Variants in TSEN34 observed in about 807,000 individuals in gnomAD.
TSEN34 encodes the protein tRNA splicing endonuclease subunit 34.
In TSEN34, 25 loss-of-function variants were observed where a neutral mutation model predicts 30.2. The ratio of observed to expected loss-of-function variants is 0.83; its 90% confidence interval spans 0.60 to 1.16. The LOEUF (loss-of-function observed/expected upper bound fraction) is 1.16, where lower values mean the gene tolerates loss of function less well. TSEN34 is among the 50% of genes most tolerant of loss of function. The pLI is 0.00. For missense variants in TSEN34, 475 were observed against 411.9 expected, an observed-to-expected ratio of 1.15 and a Z score of -1.33; for synonymous variants, 209 against 177.4, an observed-to-expected ratio of 1.18 and a Z score of -1.41.
intron 3 of TSEN34, 124 bp from the exon 4 acceptor site, chr19:54,193,051 C>A: frequency 7.4e-7 from 1 of 1,357,914 alleles, no homozygotes; most frequent in Non-Finnish European, 1.0e-6. Context: ...TGTCCAAGAG[C>A]ATCTGTTTTA....
chr19:54,193,555 T>C lies in TSEN34; in HGVS notation c.*193T>C. The C allele has an allele frequency of 2.6e-6, 4 of 1,534,226 alleles. No individual in the cohort carries two copies. The highest frequency in any genetic ancestry group is 3.5e-6 in the Non-Finnish European group (4 of 1,144,626). On this transcript the variant is annotated 3_prime_UTR_variant, in exon 4 of 4. Coordinates refer to ENST00000396388, the MANE Select transcript of TSEN34 (RefSeq NM_001077446.4). ...GCACTTATTGGCTGTGTTTTTGTAG[T>C]TACCTATTTTCACACTGTGAGCTTC...
chr19:54,190,635 G>A (rs1003626582), upstream of TSEN34: 16 of 1,255,854 alleles, frequency 1.3e-5, 1 homozygote, highest in Admixed American at 1.2e-4. Context: ...TTGCGTCCGG[G>A]AGGAGGCGGG....
At chr19:54,190,293 A>C, upstream of TSEN34, 1 of 1,383,178 alleles carries the variant, frequency 7.2e-7, no homozygotes, top group South Asian at 1.3e-5. Flanking sequence ...GGGTGTCGGC[A>C]TGAGGGGGTG....
At position 54,193,486 on chromosome 19, in the gene TSEN34, G is replaced by GT; in HGVS notation, c.*128dup. The GT allele has an allele frequency of 6.4e-7, 1 of 1,552,066 alleles. No individual in the cohort carries two copies. Among genetic ancestry groups the GT allele is most frequent in the Non-Finnish European group, 8.7e-7 (1 of 1,148,274 alleles). On this transcript the variant is annotated 3_prime_UTR_variant, in exon 4 of 4. Coordinates refer to ENST00000396388, the MANE Select transcript of TSEN34 (RefSeq NM_001077446.4). ...CTCCGCGGTTAGTTTTTGATTCCAG[G>GT]TTTTCGAACACTACATCTTTTTTAT...
At chr19:54,191,290 C>T, upstream of TSEN34, 1 of 1,543,218 alleles carries the variant, frequency 6.5e-7, no homozygotes, top group Non-Finnish European at 8.7e-7. Flanking sequence ...ACCCCGGAGG[C>T]TTTGGGTGCG....
rs2076819919 is a variant in TSEN34 at position 54,194,390 on chromosome 19, G to C, written c.*1028G>C. 6.6e-6 allele frequency: 1 copy of C among 151,882 alleles called. No individual in the cohort carries two copies. The highest frequency in any genetic ancestry group is 1.5e-5 in the Non-Finnish European group (1 of 68,014). 9.4% of individuals were successfully genotyped at this position (151,882 alleles called of 1,614,324 possible). On this transcript the variant is annotated 3_prime_UTR_variant, in exon 4 of 4. Coordinates refer to ENST00000396388, the MANE Select transcript of TSEN34 (RefSeq NM_001077446.4). Reference sequence around the variant, plus strand: ...ATATTTTAGACTCTTTTTTGGATGTGTTATATTCTGCAATTTTTATAAAAG... The same window carrying C: ...ATATTTTAGACTCTTTTTTGGATGTCTTATATTCTGCAATTTTTATAAAAG...
At position 54,193,289 on chromosome 19, in the gene TSEN34, C is replaced by T. The variant is rs751953969; in HGVS notation, c.860C>T (p.Thr287Ile). 1.9e-6 allele frequency: 3 copies of T among 1,614,176 alleles called. No homozygotes were observed. Among genetic ancestry groups the T allele is most frequent in the East Asian group, 4.5e-5 (2 of 44,886 alleles). The change falls in exon 4 of 4, where the codon ACC (threonine) becomes ATC (isoleucine). Residue 287 changes from threonine to isoleucine, a missense_variant. Thr to Ile is a moderately conservative substitution (Grantham distance 89). Coordinates refer to ENST00000396388, the MANE Select transcript of TSEN34 (RefSeq NM_001077446.4). ...CGCCTTGGAACCAGCGTCAGAAAGA[C>T]CCTGCTCCTCTGTTCTCCGCAGCCT... is the stretch of plus-strand genomic sequence containing the variant. ...AGRLGTSVRK[T>I]LLLCSPQPDG...
Position 54,193,685 on chromosome 19 carries a change from G to A in TSEN34, c.*323G>A, listed in dbSNP as rs774749470. On this transcript the variant is annotated 3_prime_UTR_variant, in exon 4 of 4. Transcript: ENST00000396388. ...AAATGTTCATGATTTGAATGTTTGC[G>A]ACAGTCCTGGAACCCGTGGATGGTC... 4.9e-5 allele frequency: 41 copies of A among 834,874 alleles called. No homozygotes were observed. The highest frequency in any genetic ancestry group is 2.0e-4 in the South Asian group (14 of 70,138). The allele number at this position is 834,874 out of a possible 1,614,324, so 51.7% of individuals were successfully genotyped here. A position where few individuals can be genotyped will look rare whatever the true frequency, so the allele number is the denominator to read the frequency against.
chr19:54,194,031 GTC>G lies in TSEN34; in HGVS notation c.*673_*674del, dbSNP rs200039847. ...AGCTCTGGCAACATTGTAATACCCA[GTC>G]TCTACAAAAAATAATTTAAAAAAAA... On this transcript the variant is annotated 3_prime_UTR_variant, in exon 4 of 4. Coordinates refer to ENST00000396388, the MANE Select transcript of TSEN34 (RefSeq NM_001077446.4). The G allele has an allele frequency of 7.7e-4, 163 of 210,982 alleles. No homozygotes were observed. The East Asian group carries it at 0.012, about 15-fold the overall frequency. The allele number at this position is 210,982 out of a possible 1,614,324, so 13.1% of individuals were successfully genotyped here.
At chr19:54,190,170 C>T, upstream of TSEN34, 1 of 584,250 alleles carries the variant, frequency 1.7e-6, no homozygotes, top group Non-Finnish European at 3.0e-6. Flanking sequence ...GAGGTGCGCT[C>T]AGTGGGGCGG....
chr19:54,193,149 C>T, intron 3 of TSEN34, 26 bp from the exon 4 acceptor site: 1 of 1,612,374 alleles, frequency 6.2e-7, no homozygotes, highest in Non-Finnish European at 8.5e-7. Flanking sequence ...TTGGTCACTG[C>T]TTCAGTGCCT....
chr19:54,191,357 G>A lies in TSEN34; in HGVS notation c.-8G>A, dbSNP rs573039542. The A allele has an allele frequency of 1.1e-4, 165 of 1,549,694 alleles. No individual in the cohort carries two copies. The highest frequency in any genetic ancestry group is 6.9e-4 in the Middle Eastern group (3 of 4,364). ...GTAACTGCTTTGCCTCCCGGCTCCC[G>A]CAGGAGGATGCTGGTGGTGGAGGTG... On this transcript the variant is annotated 5_prime_UTR_variant, in exon 1 of 4. Coordinates refer to ENST00000396388, the MANE Select transcript of TSEN34 (RefSeq NM_001077446.4).
upstream of TSEN34, chr19:54,190,486 T>C (rs973264728): frequency 3.7e-5 from 50 of 1,354,432 alleles, 1 homozygote; most frequent in East Asian, 5.6e-4. Context: ...ACGGCGGGTG[T>C]CCAGGGGGCG....
Position 54,191,997 on chromosome 19 carries a change from G to A in TSEN34, c.487+33G>A, listed in dbSNP as rs757947562. The stretch of plus-strand genomic sequence containing the variant: ...TGGGAGGTGGAGTCCAGGGACCACG[G>A]GAAGGAGAGGAGAGATCTTTTAGGA... On this transcript the variant is annotated intron_variant, in intron 2 of 3. Coordinates refer to ENST00000396388, the MANE Select transcript of TSEN34 (RefSeq NM_001077446.4). The A allele has an allele frequency of 3.1e-6, 5 of 1,613,974 alleles. No homozygotes were observed. In the African/African-American group the frequency reaches 6.7e-5, roughly 22 times the overall value.
Position 54,192,117 on chromosome 19 carries a change from C to T in TSEN34, c.489C>T (p.Gly163=), listed in dbSNP as rs749109052. The change falls in exon 3 of 4, where the codon GGC becomes GGT. Residue 163 remains glycine (G), a splice_region_variant and synonymous_variant. Transcript: ENST00000396388. ...ACTCTTCTCTGTACTCCCCACCAGG[C>T]CCCTCGTCTTCCCAAGCAGGACCCT... is the stretch of plus-strand genomic sequence containing the variant. The part of the protein sequence containing the change: ...GQASGEQEEA[G]PSSSQAGPSN... 2.0e-5 allele frequency: 32 copies of T among 1,614,230 alleles called. No homozygotes were observed. Among genetic ancestry groups the T allele is most frequent in the Non-Finnish European group, 2.5e-5 (30 of 1,180,042 alleles).
In TSEN34 at chr19:54,191,458, A is replaced by G; in HGVS notation, c.94A>G (p.Thr32Ala). 1 of 1,547,876 alleles carries G rather than the reference A, an allele frequency of 6.5e-7. No individual in the cohort carries two copies. The highest frequency in any genetic ancestry group is 8.7e-7 in the Non-Finnish European group (1 of 1,147,516). Residue 32 changes from threonine to alanine, a missense_variant, in exon 1 of 4, where the codon ACG (threonine) becomes GCG (alanine). By Grantham distance (58) the Thr-to-Ala change is moderately conservative. Coordinates refer to ENST00000396388, the MANE Select transcript of TSEN34 (RefSeq NM_001077446.4). ...GGAGCGCCTGGGTGTGGGGGGCCGC[A>G]CGGTAGGCGCCCTGCCCCGCGGGCC... is the stretch of plus-strand genomic sequence containing the variant. Reference protein sequence around the residue: ...LRERLGVGGRTVGALPRGPRQ... With the variant: ...LRERLGVGGRAVGALPRGPRQ...
upstream of TSEN34, chr19:54,190,458 C>A (rs1225423145): frequency 1.4e-6 from 2 of 1,384,514 alleles, no homozygotes; most frequent in South Asian, 3.3e-5. Flanking sequence ...GGGGTGAGCC[C>A]GCCCGAGCGG....
chr19:54,191,978 G>A lies in TSEN34; in HGVS notation c.487+14G>A, dbSNP rs1252835920. On this transcript the variant is annotated intron_variant, in intron 2 of 3. Coordinates refer to ENST00000396388, the MANE Select transcript of TSEN34 (RefSeq NM_001077446.4). The stretch of plus-strand genomic sequence containing the variant: ...AGGAGGAAGCTGGTGAGCATGGGAG[G>A]TGGAGTCCAGGGACCACGGGAAGGA... The A allele has an allele frequency of 1.2e-6, 2 of 1,614,088 alleles. No homozygotes were observed. Among genetic ancestry groups the A allele is most frequent in the Non-Finnish European group, 1.7e-6 (2 of 1,180,006 alleles).
upstream of TSEN34, chr19:54,190,595 G>A (rs532802133): frequency 3.6e-4 from 455 of 1,250,498 alleles, 2 homozygotes; most frequent in Middle Eastern, 2.7e-3. Flanking sequence ...GAGGCTGCCG[G>A]GAGCCGATGA....
Sources: allele counts gnomAD v4.1 joint callset, GRCh38; gene constraint gnomAD v4.1.1; transcripts MANE v1.5; gene names NCBI Gene and HGNC (gene_info 2026-07-23, HGNC 2026-07-21).